Variants in COL1A1 observed in about 807,000 individuals in gnomAD.
The protein encoded by COL1A1 is collagen alpha-1(I) chain.
COL1A1 carries 21 observed loss-of-function variants against 195.7 expected under a neutral mutation model. That is an observed-to-expected ratio of 0.11 (90% CI 0.08 to 0.15). The LOEUF is 0.15. Ranked by LOEUF, COL1A1 falls within the 10% of genes least tolerant of loss-of-function variation. The pLI, the probability that COL1A1 is intolerant of heterozygous loss-of-function variation, is 1.00. For missense variants in COL1A1, 1,365 were observed against 2,051.0 expected, an observed-to-expected ratio of 0.67 and a Z score of 6.46; for synonymous variants, 749 against 747.3, an observed-to-expected ratio of 1.00 and a Z score of -0.04.
At position 50,195,040 on chromosome 17, in the gene COL1A1, G is replaced by C. The variant is rs1270687738; in HGVS notation, c.1353+7C>G. ...TGGGCTGCAAGAAGGATGGCGGGGA[G>C]ACTTACAGGCTCTCCCTTAGCACCA... On this transcript the variant is annotated splice_region_variant and intron_variant, in intron 20 of 50. Transcript: ENST00000225964. This position sits in a 1 kb window ranked among gnomAD's most constrained non-coding sequence, Gnocchi z 4.3. The C allele has an allele frequency of 1.9e-6, 3 of 1,613,428 alleles. No individual in the cohort carries two copies. Among genetic ancestry groups the C allele is most frequent in the Non-Finnish European group, 2.5e-6 (3 of 1,179,690 alleles).
At chr17:50,187,784 G>T in intron 45 of COL1A1, 92 bp downstream of exon 45, 3 of 1,261,136 alleles carry the variant, frequency 2.4e-6, no homozygotes, top group South Asian at 1.4e-5. Context: ...GGAGGGGAAA[G>T]AATGACTATC....
rs376614068 is a variant in COL1A1 at position 50,189,146 on chromosome 17, C to T, written c.2937+22G>A. On this transcript the variant is annotated intron_variant, in intron 40 of 50. Coordinates refer to ENST00000225964, the MANE Select transcript of COL1A1 (RefSeq NM_000088.4). This position sits in a 1 kb window ranked among gnomAD's most constrained non-coding sequence, Gnocchi z 5.5. ...CTGTGATGGTTTTTCTCAGGGCCCC[C>T]CAAGGTGAGGGGGGCACTTACAGAG... 5 of 1,611,596 alleles carry T rather than the reference C, an allele frequency of 3.1e-6. No homozygotes were observed. In the African/African-American group the frequency reaches 5.3e-5, roughly 17 times the overall value.
Position 50,190,039 on chromosome 17 carries a change from G to C in COL1A1, c.2521C>G (p.Pro841Ala). ...GGTCCAGCGGGTCCGGCAGGGCCAG[G>C]GGGACCAGCATCGCCTTTAGCACCA... ...DAGAKGDAGP[P>A]GPAGPAGPPG... The change falls in exon 36 of 51, where the codon CCT (proline) becomes GCT (alanine). Residue 841 changes from proline (P) to alanine (A), a missense_variant. By Grantham distance (27) the Pro-to-Ala change is conservative (BLOSUM62 -1). Around this residue, in one of 5 missense-constraint regions of COL1A1, gnomAD observed 671 missense variants for 1,099.9 expected, o/e 0.61. Coordinates refer to ENST00000225964, the MANE Select transcript of COL1A1 (RefSeq NM_000088.4). The surrounding 1 kb of genome is among the most constrained non-coding windows in gnomAD (Gnocchi z 4.7). The C allele has an allele frequency of 6.2e-7, 1 of 1,613,808 alleles. No homozygotes were observed. Among genetic ancestry groups the C allele is most frequent in the Non-Finnish European group, 8.5e-7 (1 of 1,179,936 alleles).
chr17:50,187,000 T>G lies in COL1A1; in HGVS notation c.3531+15A>C. ...GCTGGAGGGCCATGAGCAGAGGGGATGAGGGGCTACATACAACAGGACCAG... is the reference window on the plus strand; with the variant it reads ...GCTGGAGGGCCATGAGCAGAGGGGAGGAGGGGCTACATACAACAGGACCAG... On this transcript the variant is annotated intron_variant, in intron 47 of 50. Transcript: ENST00000225964. The surrounding 1 kb of genome is among the most constrained non-coding windows in gnomAD (Gnocchi z 5.3). 4 of 1,612,264 alleles carry G rather than the reference T, an allele frequency of 2.5e-6. No individual in the cohort carries two copies. The highest frequency in any genetic ancestry group is 3.4e-6 in the Non-Finnish European group (4 of 1,178,942).
intron 6 of COL1A1, 78 bp from the exon 7 acceptor site, chr17:50,198,283 G>T: frequency 6.3e-7 from 1 of 1,581,088 alleles, no homozygotes; most frequent in Non-Finnish European, 8.7e-7. Context: ...CATGCCTGTT[G>T]GGACCACCCA....
rs1185150064 is a variant in COL1A1, at chr17:50,187,609, G to A, written c.3370-72C>T. On this transcript the variant is annotated intron_variant, in intron 45 of 50. Coordinates refer to ENST00000225964, the MANE Select transcript of COL1A1 (RefSeq NM_000088.4). ...TGTAGCCTGAGGGCCTGGCTGGAGA[G>A]ACAAGGGCAGTGTGGGCAACCCATG... 7 of 1,543,626 alleles carry A rather than the reference G, an allele frequency of 4.5e-6. No individual in the cohort carries two copies. In the Admixed American group the frequency reaches 1.2e-4, roughly 26 times the overall value.
At position 50,194,619 on chromosome 17, in the gene COL1A1, G is replaced by A. The variant is rs1387947348; in HGVS notation, c.1469C>T (p.Pro490Leu). 6.4e-7 allele frequency: 1 copy of A among 1,564,746 alleles called. No individual in the cohort carries two copies. Residue 490 changes from proline to leucine, a missense_variant, in exon 22 of 51, where the codon CCT (proline) becomes CTT (leucine). Pro to Leu is a moderately conservative substitution (Grantham distance 98). Around this residue, in one of 5 missense-constraint regions of COL1A1, gnomAD observed 671 missense variants for 1,099.9 expected, o/e 0.61. Coordinates refer to ENST00000225964, the MANE Select transcript of COL1A1 (RefSeq NM_000088.4). The surrounding 1 kb of genome is among the most constrained non-coding windows in gnomAD (Gnocchi z 6.8). ...TGCGCCAGGGAAACCACGGCTACCA[G>A]GTCCACCCTGCAGGAGGAGAGGAGG... ...LPGPPGERGG[P>L]GSRGFPGADG...
In COL1A1 at chr17:50,185,800, C is replaced by T; in HGVS notation, c.4226G>A (p.Ser1409Asn). Residue 1409 changes from serine to asparagine, a missense_variant, in exon 50 of 51, where the codon AGC (serine) becomes AAC (asparagine). Physicochemically the swap from Ser to Asn is conservative, Grantham distance 46. This residue lies in a region of COL1A1 where 273 missense variants were observed against 338.6 expected (regional missense o/e 0.81). Coordinates refer to ENST00000225964, the MANE Select transcript of COL1A1 (RefSeq NM_000088.4). ...CACCGTGCAGCCATCGACAGTGACG[C>T]TGTAGGTGAAGCGGCTGTTGCCCTC... ...RAEGNSRFTY[S>N]VTVDGCTSHT... is the part of the protein sequence containing the mutation. 1 of 1,613,972 alleles carries T rather than the reference C, an allele frequency of 6.2e-7. No homozygotes were observed. The highest frequency in any genetic ancestry group is 8.5e-7 in the Non-Finnish European group (1 of 1,180,030).
At chr17:50,196,445 C>T (rs765235965) in intron 13 of COL1A1, 39 bp downstream of exon 13, 13 of 1,614,040 alleles carry the variant, frequency 8.1e-6, no homozygotes, top group Admixed American at 1.7e-5. Flanking sequence ...GCCCCTGCCT[C>T]CTGCCCCATC....
rs192268642 is a variant in COL1A1 at position 50,189,318 on chromosome 17, G to A, written c.2830-43C>T. On this transcript the variant is annotated intron_variant, in intron 39 of 50. Transcript: ENST00000225964. This position sits in a 1 kb window ranked among gnomAD's most constrained non-coding sequence, Gnocchi z 5.5. Reference sequence around the variant, plus strand: ...GGGTGAGGTGCCAGAGAGCAGCACAGGGACCCCTCCCCAGCTCTGCACACC... The same window carrying A: ...GGGTGAGGTGCCAGAGAGCAGCACAAGGACCCCTCCCCAGCTCTGCACACC... 973 of 1,613,738 alleles carry A rather than the reference G, an allele frequency of 6.0e-4. 8 individuals carry two copies. The highest frequency in any genetic ancestry group is 3.3e-4 in the Middle Eastern group (2 of 6,060).
intron 45 of COL1A1, 22 bp downstream of exon 45, chr17:50,187,854 G>A (rs768163538): frequency 6.4e-7 from 1 of 1,568,674 alleles, no homozygotes; most frequent in Non-Finnish European, 8.7e-7. Flanking sequence ...ATGGGGACTG[G>A]GGAGGGGCTG....
rs774459732 is a variant in COL1A1 at position 50,186,947 on chromosome 17, G to A, written c.3532-25C>T. 1.2e-6 allele frequency: 2 copies of A among 1,613,140 alleles called. No homozygotes were observed. The highest frequency in any genetic ancestry group is 1.7e-6 in the Non-Finnish European group (2 of 1,179,546). On this transcript the variant is annotated intron_variant, in intron 47 of 50. Coordinates refer to ENST00000225964, the MANE Select transcript of COL1A1 (RefSeq NM_000088.4). The surrounding 1 kb of genome is among the most constrained non-coding windows in gnomAD (Gnocchi z 5.3). Reference sequence around the variant, plus strand: ...CCTGCACAGAGAGGGAAGAGAGTGGGGATTACCGGCATCCAAGTGCTTTGG... The same window carrying A: ...CCTGCACAGAGAGGGAAGAGAGTGGAGATTACCGGCATCCAAGTGCTTTGG...
At chr17:50,187,852 T>C (rs760107841) in intron 45 of COL1A1, 24 bp downstream of exon 45, 13 of 1,561,048 alleles carry the variant, frequency 8.3e-6, no homozygotes, top group Non-Finnish European at 1.1e-5. Context: ...GCATGGGGAC[T>C]GGGGAGGGGC....
chr17:50,193,769 C>A, intron 25 of COL1A1, 174 bp downstream of exon 25: 4 of 686,662 alleles, frequency 5.8e-6, no homozygotes, highest in Non-Finnish European at 1.1e-5. Context: ...GCATGAGCCA[C>A]CGTGCCCCGC....
chr17:50,197,707 G>C (rs1251009896), intron 9 of COL1A1, 25 bp downstream of exon 9: 2 of 1,563,122 alleles, frequency 1.3e-6, no homozygotes, highest in African/African-American at 2.8e-5. Flanking sequence ...GGGTCAGATG[G>C]TATCTTCTTG....
At position 50,197,798 on chromosome 17, in the gene COL1A1, G is replaced by C; in HGVS notation, c.643-13C>G. 6.2e-7 allele frequency: 1 copy of C among 1,610,374 alleles called. No individual in the cohort carries two copies. Among genetic ancestry groups the C allele is most frequent in the Non-Finnish European group, 8.5e-7 (1 of 1,178,778 alleles). On this transcript the variant is annotated splice_polypyrimidine_tract_variant and intron_variant, in intron 8 of 50. Transcript: ENST00000225964. ...GACCCATGGGACCCTAGAAAAGATA[G>C]AAGAGGTGGTTAGAATATGGATAAG...
Position 50,190,161 on chromosome 17 carries a change from T to G in COL1A1, c.2452-53A>C. On this transcript the variant is annotated intron_variant, in intron 35 of 50. Coordinates refer to ENST00000225964, the MANE Select transcript of COL1A1 (RefSeq NM_000088.4). This position sits in a 1 kb window ranked among gnomAD's most constrained non-coding sequence, Gnocchi z 4.7. ...GAGGGAAGGAGGCAGGAGTTTCCAC[T>G]ACCTGGGGGAGGAGCAGTAATGGAG... 2 of 1,459,818 alleles carry G rather than the reference T, an allele frequency of 1.4e-6. No individual in the cohort carries two copies. Among genetic ancestry groups the G allele is most frequent in the Non-Finnish European group, 1.9e-6 (2 of 1,039,850 alleles). 90.4% of individuals were successfully genotyped at this position (1,459,818 alleles called of 1,614,324 possible).
rs1259676213 is a variant in COL1A1, at chr17:50,184,429, C to T, written c.*1073G>A. ...GGGCTGGAGCCGCACACGCTCTCCT[C>T]CCATGTTAAATAGCACCTTTAGAAA... On this transcript the variant is annotated 3_prime_UTR_variant, in exon 51 of 51. Transcript: ENST00000225964. 2 of 229,992 alleles carry T rather than the reference C, an allele frequency of 8.7e-6. No homozygotes were observed. The highest frequency in any genetic ancestry group is 1.7e-5 in the Non-Finnish European group (2 of 116,520). 14.2% of individuals were successfully genotyped at this position (229,992 alleles called of 1,614,324 possible).
Position 50,194,002 on chromosome 17 carries a change from G to A in COL1A1, c.1708C>T (p.Pro570Ser). Residue 570 changes from proline to serine, a missense_variant, in exon 25 of 51, where the codon CCA becomes TCA. Pro to Ser is a moderately conservative substitution (Grantham distance 74, BLOSUM62 -1). Transcript: ENST00000225964. The surrounding 1 kb of genome is among the most constrained non-coding windows in gnomAD (Gnocchi z 6.8). ...CCAGCCTGACCACGGGCACCAGGTG[G>A]GCCTGGGGGTCCGGGGCGACCATCT... ...GQDGRPGPPG[P>S]PGARGQAGVM... is the part of the protein sequence containing the mutation. 1 of 1,614,134 alleles carries A rather than the reference G, an allele frequency of 6.2e-7. No individual in the cohort carries two copies. The highest frequency in any genetic ancestry group is 8.5e-7 in the Non-Finnish European group (1 of 1,180,032).
Sources: allele counts gnomAD v4.1 joint callset, GRCh38; gene constraint gnomAD v4.1.1; regional missense constraint gnomAD v4.1.1; non-coding constraint Gnocchi (gnomAD v3.1); transcripts MANE v1.5; gene names NCBI Gene and HGNC (gene_info 2026-07-23, HGNC 2026-07-21).